The following POR variants were observed in gnomAD, a reference collection of about 807,000 sequenced individuals.
POR encodes the protein cytochrome p450 oxidoreductase.
POR carries 56 observed loss-of-function variants against 84.0 expected under a neutral mutation model. The observed-to-expected ratio is 0.67, with a 90% CI of 0.54 to 0.83. POR has a LOEUF of 0.83. POR is among the 40% of genes least tolerant of loss of function. POR has a pLI of 0.00. For synonymous variants in POR, 414 were observed against 400.5 expected (o/e 1.03, Z -0.40); for missense variants, 938 against 944.3 (o/e 0.99, Z 0.09).
At chr7:75,946,086 A>G (rs530368434) in intron 1 of POR, among the ~76,000 whole-genome samples, 1 of 152,172 alleles carries the variant, frequency 6.6e-6, no homozygotes, top group East Asian at 1.9e-4. Context: ...CTTGATTGCT[A>G]CCTTGGTGGG....
chr7:75,928,159 T>G (rs1554549773), intron 1 of POR, among the ~76,000 whole-genome samples: 1 of 151,456 alleles, frequency 6.6e-6, no homozygotes, highest in Non-Finnish European at 1.5e-5. Context: ...TTAGTAGAGA[T>G]AGGGTTTCAC....
chr7:75,932,016 A>G (rs2116279162), intron 1 of POR, among the ~76,000 whole-genome samples: 1 of 152,248 alleles, frequency 6.6e-6, no homozygotes, highest in South Asian at 2.1e-4. Context: ...GCTTTGTGGA[A>G]TTGCTCCCGT....
At chr7:75,972,892 G>A (rs553946879) in intron 3 of POR, 144 of 241,100 alleles carry the variant, frequency 6.0e-4, no homozygotes, top group Non-Finnish European at 9.1e-4. Flanking sequence ...GCGCAATCTC[G>A]GTTCACTGCA....
At chr7:75,957,448 A>AC (rs1362991034) in intron 2 of POR, among the ~76,000 whole-genome samples, 1 of 152,132 alleles carries the variant, frequency 6.6e-6, no homozygotes, top group African/African-American at 2.4e-5. Context: ...AGGGTCCAGG[A>AC]CCCAGCTCCT....
chr7:75,979,675 G>T, intron 4 of POR, 96 bp downstream of exon 4: 1 of 1,523,282 alleles, frequency 6.6e-7, no homozygotes, highest in South Asian at 1.2e-5. Flanking sequence ...GGCCGGCAGG[G>T]AGTGGGGTCC....
chr7:75,940,720 C>T (rs758983481), intron 1 of POR, among the ~76,000 whole-genome samples: 3 of 151,460 alleles, frequency 2.0e-5, no homozygotes, highest in Non-Finnish European at 4.4e-5. Flanking sequence ...GGAGGCGGAG[C>T]TTGCTGTCAG....
chr7:75,980,848 C>A, intron 5 of POR, 200 bp from the exon 6 acceptor site: 1 of 1,106,230 alleles, frequency 9.0e-7, no homozygotes, highest in Non-Finnish European at 1.2e-6. Context: ...ACGGGGCAGG[C>A]TGTGGGCTGC....
intron 1 of POR, among the ~76,000 whole-genome samples, chr7:75,949,631 A>G (rs1313827304): frequency 6.6e-6 from 1 of 150,946 alleles, no homozygotes; most frequent in Non-Finnish European, 1.5e-5. Flanking sequence ...ATGATTCTCC[A>G]GCCTCAGCCT....
chr7:75,919,352 T>G (rs982901987), intron 1 of POR, among the ~76,000 whole-genome samples: 2 of 151,772 alleles, frequency 1.3e-5, no homozygotes, highest in South Asian at 4.2e-4. Context: ...TTGGGATTAG[T>G]GTGCACACGC....
chr7:75,937,063 G>A lies in POR; in HGVS notation c.-4-16926G>A, dbSNP rs1326353126. On this transcript the variant is annotated intron_variant, in intron 1 of 15. Transcript: ENST00000461988. ...AGGATGGTCTCGATATCCTGACTTC[G>A]TGATCCGCCTGCCTCGGACTCCCAA... Among the ~76,000 whole-genome samples, 52 of 151,454 alleles carry A rather than the reference G, an allele frequency of 3.4e-4. 2 individuals carry two copies.
chr7:75,917,107 G>C (rs1032620801), intron 1 of POR, among the ~76,000 whole-genome samples: 2 of 151,164 alleles, frequency 1.3e-5, no homozygotes, highest in South Asian at 4.2e-4. Flanking sequence ...TCACTCTGTC[G>C]TGCAGGCTGG....
intron 1 of POR, among the ~76,000 whole-genome samples, chr7:75,946,151 GT>G (rs1192766202): frequency 6.7e-6 from 1 of 149,888 alleles, no homozygotes; most frequent in Non-Finnish European, 1.5e-5. Context: ...TACATGCATA[GT>G]TTTTACCCTT....
At chr7:75,979,619 G>A (rs1788893749) in intron 4 of POR, 40 bp downstream of exon 4, 12 of 1,607,976 alleles carry the variant, frequency 7.5e-6, no homozygotes, top group Non-Finnish European at 1.0e-5. Context: ...TGGAGGCAGT[G>A]GGTAGGACAG....
chr7:75,922,544 G>C (rs568807316), intron 1 of POR, among the ~76,000 whole-genome samples: 1 of 152,056 alleles, frequency 6.6e-6, no homozygotes, highest in Non-Finnish European at 1.5e-5. Context: ...AGCTGGTCTC[G>C]AATGCCTGAC....
Position 75,983,655 on chromosome 7 carries a change from A to T in POR, c.947+19A>T. ...AAATCAGGTACCAGCTGCCACTGTCACCCCCTGAACCCTCACTCTGGGCCT... is the reference window on the plus strand; with the variant it reads ...AAATCAGGTACCAGCTGCCACTGTCTCCCCCTGAACCCTCACTCTGGGCCT... On this transcript the variant is annotated intron_variant, in intron 9 of 15. Transcript: ENST00000461988. 6.2e-7 allele frequency: 1 copy of T among 1,609,270 alleles called. No individual in the cohort carries two copies. Among genetic ancestry groups the T allele is most frequent in the Non-Finnish European group, 8.5e-7 (1 of 1,176,860 alleles).
intron 1 of POR, among the ~76,000 whole-genome samples, chr7:75,923,787 C>G (rs1355097047): frequency 2.0e-5 from 3 of 151,668 alleles, no homozygotes; most frequent in Non-Finnish European, 4.4e-5. Context: ...ACTGGGGAGG[C>G]TGAGGCAGGA....
At chr7:75,952,034 G>A (rs1208875907) in intron 1 of POR, among the ~76,000 whole-genome samples, 1 of 142,658 alleles carries the variant, frequency 7.0e-6, no homozygotes, top group Admixed American at 6.9e-5. Flanking sequence ...CCCAGTAGGG[G>A]CGGCCGGGCA....
chr7:75,935,619 T>TTGTGTGTGTG lies in POR; in HGVS notation c.-4-18328_-4-18319dup, dbSNP rs57899780. ...CCTTTTTCCAAGGGCTGCTCGGGGCTTGTGTGTGTGTGTGTGTGTGTGTGT... is the reference window on the plus strand; with the variant it reads ...CCTTTTTCCAAGGGCTGCTCGGGGCTTGTGTGTGTGTGTGTGTGTGTGTGTGTGTGTGTGT... On this transcript the variant is annotated intron_variant, in intron 1 of 15. Coordinates refer to ENST00000461988, the MANE Select transcript of POR (RefSeq NM_000941.3). 1.9e-3 allele frequency among the ~76,000 whole-genome samples: 249 copies of TTGTGTGTGTG among 131,378 alleles called. 1 individual carries two copies. The highest frequency in any genetic ancestry group is 3.8e-3 in the Middle Eastern group (1 of 264). The allele number at this position is 131,378 out of a possible 152,430, so 86.2% of individuals were successfully genotyped here.
intron 7 of POR, among the ~76,000 whole-genome samples, 151 bp downstream of exon 7, chr7:75,981,757 C>G (rs1449185629): frequency 3.9e-5 from 6 of 152,232 alleles, no homozygotes; most frequent in Non-Finnish European, 2.9e-5. Context: ...CAGCCAAGGA[C>G]TCACTCTGCC....
Sources: allele counts gnomAD v4.1 joint callset (sites outside exome capture counted in the v4.1 genomes callset), GRCh38; gene constraint gnomAD v4.1.1; transcripts MANE v1.5; gene names NCBI Gene and HGNC (gene_info 2026-07-23, HGNC 2026-07-21).